Variants in OXER1 observed in about 807,000 individuals in gnomAD.
The protein encoded by OXER1 is 5-oxo-ETE G-protein coupled receptor.
For synonymous variants in OXER1, 258 were observed against 245.8 expected (o/e 1.05, Z -0.47); for missense variants, 587 against 551.7 (o/e 1.06, Z -0.64).
At chr2:42,763,955 C>CA in the OXER1 span, 1 of 1,613,758 alleles carries the variant, frequency 6.2e-7, no homozygotes, top group African/African-American at 1.3e-5. The surrounding 1 kb of genome is among the most constrained non-coding windows in gnomAD (Gnocchi z 4.4). Flanking sequence ...AGGACCCCCC[C>CA]ACAGTGGTAA....
At position 42,763,234 on chromosome 2, in the gene OXER1, T is replaced by A. The variant is rs17029947; in HGVS notation, c.946A>T (p.Met316Leu). Reference sequence around the variant, plus strand: ...AGCCAGAAAGCCACCATGGAAGCCATGCCAAAGATGATGCTGGGCAAGAAG... The same window carrying A: ...AGCCAGAAAGCCACCATGGAAGCCAAGCCAAAGATGATGCTGGGCAAGAAG... The change falls in exon 1 of 1, where the codon ATG (methionine) becomes TTG (leucine). Residue 316 changes from methionine to leucine, a missense_variant. By Grantham distance (15) the Met-to-Leu change is conservative. Coordinates refer to ENST00000378661, the Ensembl canonical transcript of OXER1. This position sits in a 1 kb window ranked among gnomAD's most constrained non-coding sequence, Gnocchi z 4.4. 22 of 1,611,434 alleles carry A rather than the reference T, an allele frequency of 1.4e-5. No individual in the cohort carries two copies. The highest frequency in any genetic ancestry group is 1.8e-5 in the Non-Finnish European group (21 of 1,179,084).
In OXER1 at chr2:42,763,848, C is replaced by G; in HGVS notation, c.332G>C (p.Ser111Thr). 6.8e-6 allele frequency: 11 copies of G among 1,613,940 alleles called. No homozygotes were observed. Among genetic ancestry groups the G allele is most frequent in the Non-Finnish European group, 9.3e-6 (11 of 1,180,022 alleles). Residue 111 changes from serine to threonine, a missense_variant, in exon 1 of 1, where the codon AGT (serine) becomes ACT (threonine). Physicochemically the swap from Ser to Thr is moderately conservative, Grantham distance 58 (BLOSUM62 1). Coordinates refer to ENST00000378661, the Ensembl canonical transcript of OXER1. The surrounding 1 kb of genome is among the most constrained non-coding windows in gnomAD (Gnocchi z 4.4). Reference sequence around the variant, plus strand: ...GATGCAGAAGATGAAGAGGGCCAAACTGTTCCCCACCAGGCCCAGGACAAA... The same window carrying G: ...GATGCAGAAGATGAAGAGGGCCAAAGTGTTCCCCACCAGGCCCAGGACAAA...
chr2:42,762,826 G>C (rs1670501241), exon 1 of OXER1: 1 of 1,451,428 alleles, frequency 6.9e-7, no homozygotes. Flanking sequence ...AGTTGGTTGA[G>C]GCACCGTGTG....
In OXER1 at chr2:42,763,142, G is replaced by C. The variant is rs921040803; in HGVS notation, c.1038C>G (p.Leu346=). The C allele has an allele frequency of 3.1e-6, 5 of 1,614,056 alleles. No individual in the cohort carries two copies. The African/African-American group carries it at 4.0e-5, about 13-fold the overall frequency. The change falls in exon 1 of 1, where the codon CTC becomes CTG. Residue 346 remains leucine, a synonymous_variant. Coordinates refer to ENST00000378661, the Ensembl canonical transcript of OXER1. This position sits in a 1 kb window ranked among gnomAD's most constrained non-coding sequence, Gnocchi z 4.4. ...AGAGCACGGGGTCCAGGACACTGTT[G>C]AGGTAGGTGAAGGCCAGGGAGCCAT... is the stretch of plus-strand genomic sequence containing the variant.
In OXER1 at chr2:42,763,205, G is replaced by A. The variant is rs769126172; in HGVS notation, c.975C>T (p.Ser325=). The change falls in exon 1 of 1, where the codon TCC becomes TCT. Residue 325 remains serine (S), a synonymous_variant. Transcript: ENST00000378661. The surrounding 1 kb of genome is among the most constrained non-coding windows in gnomAD (Gnocchi z 4.4). ...TGCAGAGGTCCAGGGATCGGCAGGCGGACAGCCAGAAAGCCACCATGGAAG... is the reference window on the plus strand; with the variant it reads ...TGCAGAGGTCCAGGGATCGGCAGGCAGACAGCCAGAAAGCCACCATGGAAG... The A allele has an allele frequency of 9.9e-6, 16 of 1,610,418 alleles. No individual in the cohort carries two copies. The African/African-American group carries it at 1.1e-4, about 11-fold the overall frequency.
chr2:42,764,129 G>T, the OXER1 span: 2 of 1,613,978 alleles, frequency 1.2e-6, no homozygotes, highest in Non-Finnish European at 1.7e-6. Flanking sequence ...AGTGCTCAGG[G>T]CAAAGTGGGA....
chr2:42,762,617 A>C, exon 1 of OXER1: 2 of 436,542 alleles, frequency 4.6e-6, no homozygotes, highest in Non-Finnish European at 8.2e-6. Flanking sequence ...TGTCCCCTGC[A>C]GCTGCGCAGG....
At position 42,763,409 on chromosome 2, in the gene OXER1, G is replaced by A; in HGVS notation, c.771C>T (p.Tyr257=). The A allele has an allele frequency of 1.3e-6, 2 of 1,593,826 alleles. No homozygotes were observed. The highest frequency in any genetic ancestry group is 8.5e-7 in the Non-Finnish European group (1 of 1,170,676). Residue 257 remains tyrosine (Y), a synonymous_variant, in exon 1 of 1, where the codon TAC becomes TAT. Transcript: ENST00000378661. The surrounding 1 kb of genome is among the most constrained non-coding windows in gnomAD (Gnocchi z 4.4). ...CCAGTGGCAGGAAGAACTCCAGCAG[G>A]TACAGTGCCTGGTGCCAGCGGAGCG... is the stretch of plus-strand genomic sequence containing the variant.
At chr2:42,762,640 C>A in exon 1 of OXER1, 1 of 488,600 alleles carries the variant, frequency 2.0e-6, no homozygotes, top group Non-Finnish European at 3.6e-6. Context: ...CCTGTCTGAG[C>A]TGGTGTGCCA....
At chr2:42,764,061 A>G in exon 1 of OXER1, 2 of 1,614,046 alleles carry the variant, frequency 1.2e-6, no homozygotes, top group Middle Eastern at 1.6e-4. Flanking sequence ...ATGAAGTTCC[A>G]TGGGCTGCTT....
chr2:42,763,848 CTG>C, the OXER1 span: 1 of 1,613,940 alleles, frequency 6.2e-7, no homozygotes, highest in East Asian at 2.2e-5. This position sits in a 1 kb window ranked among gnomAD's most constrained non-coding sequence, Gnocchi z 4.4. Context: ...GAGGGCCAAA[CTG>C]TTCCCCACCA....
In OXER1 at chr2:42,763,346, G is replaced by A. The variant is rs1444000675; in HGVS notation, c.834C>T (p.Thr278=). Residue 278 remains threonine (T), a synonymous_variant, in exon 1 of 1, where the codon ACC becomes ACT. Transcript: ENST00000378661. The surrounding 1 kb of genome is among the most constrained non-coding windows in gnomAD (Gnocchi z 4.4). ...GCCCGCCCAGACCACGGTTCCGGAT[G>A]GTGAGCCCAATGCTCACAATAGCAA... The A allele has an allele frequency of 1.3e-5, 21 of 1,612,054 alleles. No homozygotes were observed. The highest frequency in any genetic ancestry group is 2.2e-5 in the East Asian group (1 of 44,860).
In OXER1 at chr2:42,763,920, G is replaced by T; in HGVS notation, c.260C>A (p.Ser87Tyr). 6.2e-7 allele frequency: 1 copy of T among 1,613,996 alleles called. No individual in the cohort carries two copies. Among genetic ancestry groups the T allele is most frequent in the Non-Finnish European group, 8.5e-7 (1 of 1,180,024 alleles). Residue 87 changes from serine (S) to tyrosine (Y), a missense_variant, in exon 1 of 1, where the codon TCT becomes TAT. Ser to Tyr is a moderately radical substitution (Grantham distance 144). Transcript: ENST00000378661. This position sits in a 1 kb window ranked among gnomAD's most constrained non-coding sequence, Gnocchi z 4.4. The stretch of plus-strand genomic sequence containing the variant: ...CAGGAAGGCAGACACCAGCGAGGAA[G>T]AGGTGGGGTGGCAGGGCCCTCCAGA...
Position 42,763,208 on chromosome 2 carries a change from C to T in OXER1, c.972G>A (p.Leu324=), listed in dbSNP as rs779207700. 1.3e-5 allele frequency: 21 copies of T among 1,609,258 alleles called. No homozygotes were observed. The highest frequency in any genetic ancestry group is 1.1e-4 in the African/African-American group (8 of 74,896). Residue 324 remains leucine (L), a synonymous_variant, in exon 1 of 1, where the codon CTG becomes CTA. Coordinates refer to ENST00000378661, the Ensembl canonical transcript of OXER1. This position sits in a 1 kb window ranked among gnomAD's most constrained non-coding sequence, Gnocchi z 4.4. ...AGAGGTCCAGGGATCGGCAGGCGGA[C>T]AGCCAGAAAGCCACCATGGAAGCCA...
At position 42,763,895 on chromosome 2, in the gene OXER1, C is replaced by T. The variant is rs770277150; in HGVS notation, c.285G>A (p.Leu95=). The T allele has an allele frequency of 3.5e-5, 57 of 1,613,842 alleles. No homozygotes were observed. Among genetic ancestry groups the T allele is most frequent in the Non-Finnish European group, 4.4e-5 (52 of 1,180,036 alleles). ...CAAACTCCAGGGCCAGGATTGGTGC[C>T]AGGAAGGCAGACACCAGCGAGGAAG... Residue 95 remains leucine, a synonymous_variant, in exon 1 of 1, where the codon CTG becomes CTA. Transcript: ENST00000378661. This position sits in a 1 kb window ranked among gnomAD's most constrained non-coding sequence, Gnocchi z 4.4.
At chr2:42,764,024 G>A (rs1452109369) in exon 1 of OXER1, 2 of 1,613,936 alleles carry the variant, frequency 1.2e-6, no homozygotes, top group Non-Finnish European at 8.5e-7. Context: ...CAGAGGAGGA[G>A]AGAGAGGGAG....
chr2:42,762,891 A>G (rs763004929), exon 1 of OXER1: 1 of 1,601,282 alleles, frequency 6.2e-7, no homozygotes, highest in African/African-American at 1.3e-5. Flanking sequence ...ACAGCGCTGC[A>G]GCCCTGCAGC....
Position 42,763,787 on chromosome 2 carries a change from C to G in OXER1, c.393G>C (p.Leu131=), listed in dbSNP as rs766173235. ...GGAAGTCAGCGGCCACCAGGCTGAC[C>G]AGGAACACCGTGTTGGAGGTCCAGG... The change falls in exon 1 of 1, where the codon CTG becomes CTC. Residue 131 remains leucine, a synonymous_variant. Coordinates refer to ENST00000378661, the Ensembl canonical transcript of OXER1. The surrounding 1 kb of genome is among the most constrained non-coding windows in gnomAD (Gnocchi z 4.4). 1.2e-6 allele frequency: 2 copies of G among 1,613,966 alleles called. No homozygotes were observed. Among genetic ancestry groups the G allele is most frequent in the East Asian group, 2.2e-5 (1 of 44,878 alleles).
Position 42,763,266 on chromosome 2 carries a change from G to A in OXER1, c.914C>T (p.Thr305Ile). Reference sequence around the variant, plus strand: ...GATGATGCTGGGCAAGAAGCAGATGGTGTAGACGGCCACCACCATGGCCAG... The same window carrying A: ...GATGATGCTGGGCAAGAAGCAGATGATGTAGACGGCCACCACCATGGCCAG... Residue 305 changes from threonine to isoleucine, a missense_variant, in exon 1 of 1, where the codon ACC (threonine) becomes ATC (isoleucine). Coordinates refer to ENST00000378661, the Ensembl canonical transcript of OXER1. The surrounding 1 kb of genome is among the most constrained non-coding windows in gnomAD (Gnocchi z 4.4). 1 of 1,613,012 alleles carries A rather than the reference G, an allele frequency of 6.2e-7. No homozygotes were observed. Among genetic ancestry groups the A allele is most frequent in the Non-Finnish European group, 8.5e-7 (1 of 1,179,708 alleles).
Sources: allele counts gnomAD v4.1 joint callset, GRCh38; gene constraint gnomAD v4.1.1; non-coding constraint Gnocchi (gnomAD v3.1); transcripts MANE v1.5; gene names NCBI Gene and HGNC (gene_info 2026-07-23, HGNC 2026-07-21).